SNTB1: variants seen among roughly 807,000 people sequenced by gnomAD.
The protein encoded by SNTB1 is beta-1-syntrophin.
In SNTB1, 36 loss-of-function variants were observed where a neutral mutation model predicts 48.9. That is an observed-to-expected ratio of 0.74 (90% confidence interval 0.56 to 0.97). SNTB1 has a LOEUF of 0.97. Ranked by LOEUF, SNTB1 falls within the 50% of genes least tolerant of loss-of-function variation. SNTB1 has a pLI of 0.00. For missense variants in SNTB1, 786 were observed against 703.4 expected (o/e 1.12, Z -1.33); for synonymous variants, 299 against 294.6 (o/e 1.01, Z -0.15).
chr8:120,734,148 A>G (rs755496152), intron 1 of SNTB1, among the ~76,000 whole-genome samples: 26 of 152,288 alleles, frequency 1.7e-4, no homozygotes, highest in Admixed American at 1.1e-3. Flanking sequence ...GCCTGTCACA[A>G]AGTTTTATTT....
At chr8:120,580,931 A>T (rs1014905408) in intron 3 of SNTB1, among the ~76,000 whole-genome samples, 2 of 152,020 alleles carry the variant, frequency 1.3e-5, no homozygotes, top group East Asian at 3.9e-4. Flanking sequence ...GTCAGACAAG[A>T]CGTCTAGAGC....
intron 3 of SNTB1, among the ~76,000 whole-genome samples, chr8:120,604,226 TC>T (rs1816473547): frequency 1.3e-5 from 2 of 152,160 alleles, no homozygotes; most frequent in Non-Finnish European, 2.9e-5. Flanking sequence ...TCTTTTGATA[TC>T]CCCTTGGCGT....
chr8:120,685,271 T>C (rs1818010334), intron 2 of SNTB1, among the ~76,000 whole-genome samples: 1 of 152,218 alleles, frequency 6.6e-6, no homozygotes, highest in South Asian at 2.1e-4. Context: ...TAGTGGACAT[T>C]GCCCTAGTGG....
chr8:120,770,135 G>A (rs1185344697), intron 1 of SNTB1, among the ~76,000 whole-genome samples: 1 of 152,172 alleles, frequency 6.6e-6, no homozygotes. Context: ...ACCAGTTTAT[G>A]CTGATAGCTA....
rs1466794641 is a variant in SNTB1 at position 120,611,375 on chromosome 8, GA to G, written c.996+21068del. Among the ~76,000 whole-genome samples, 14 of 152,248 alleles carry G rather than the reference GA, an allele frequency of 9.2e-5. No individual in the cohort carries two copies. In the Middle Eastern group the frequency reaches 0.017, roughly 185 times the overall value. On this transcript the variant is annotated intron_variant, in intron 3 of 6. Transcript: ENST00000517992. ...CTCTGGAAAAAAAATCGTTAATAAGGAAACTGGGACTGTTATTTTAAATTAT... is the reference window on the plus strand; with the variant it reads ...CTCTGGAAAAAAAATCGTTAATAAGGAACTGGGACTGTTATTTTAAATTAT...
intron 2 of SNTB1, among the ~76,000 whole-genome samples, chr8:120,677,762 A>G (rs963907991): frequency 1.3e-5 from 2 of 152,202 alleles, no homozygotes; most frequent in Non-Finnish European, 2.9e-5. Context: ...AAAAAATTCA[A>G]AGAAGTTAAG....
intron 4 of SNTB1, 106 bp from the exon 5 acceptor site, chr8:120,549,064 G>A: frequency 1.1e-6 from 1 of 911,908 alleles, no homozygotes; most frequent in Non-Finnish European, 1.6e-6. Flanking sequence ...CATTTTTCTG[G>A]TCTGGAATCA....
intron 3 of SNTB1, among the ~76,000 whole-genome samples, chr8:120,579,736 T>C (rs1816013407): frequency 6.6e-6 from 1 of 152,162 alleles, no homozygotes. Context: ...CTTCACATGA[T>C]TTCCAAAGGG....
intron 2 of SNTB1, chr8:120,637,575 G>GCAAA (rs1817103238): frequency 5.0e-6 from 1 of 200,422 alleles, no homozygotes; most frequent in Non-Finnish European, 1.0e-5. Flanking sequence ...AACACAAAGT[G>GCAAA]TTATGTGCAA....
chr8:120,742,617 C>T (rs1417218905), intron 1 of SNTB1, among the ~76,000 whole-genome samples: 1 of 152,218 alleles, frequency 6.6e-6, no homozygotes, highest in African/African-American at 2.4e-5. Flanking sequence ...TCTTCTAAGT[C>T]ATATGGGCAG....
At chr8:120,637,464 G>A (rs570160526) in intron 2 of SNTB1, 1 of 190,812 alleles carries the variant, frequency 5.2e-6, no homozygotes, top group Non-Finnish European at 1.1e-5. Context: ...GATTTTTTAG[G>A]TTTAAGTGGT....
rs1820450558 is a variant in SNTB1, at chr8:120,812,038, C to T, written c.-195G>A. On this transcript the variant is annotated 5_prime_UTR_variant, in exon 1 of 7. Transcript: ENST00000517992. ...TGGCAGCTGCACTCAGGCTGGTTCCCCCTCGCCTGATCCTGACCGGGGTGG... is the reference window on the plus strand; with the variant it reads ...TGGCAGCTGCACTCAGGCTGGTTCCTCCTCGCCTGATCCTGACCGGGGTGG... 1.6e-6 allele frequency: 2 copies of T among 1,256,442 alleles called. No individual in the cohort carries two copies. Among genetic ancestry groups the T allele is most frequent in the Non-Finnish European group, 2.0e-6 (2 of 1,005,626 alleles). 77.8% of individuals were successfully genotyped at this position (1,256,442 alleles called of 1,614,324 possible).
intron 1 of SNTB1, among the ~76,000 whole-genome samples, chr8:120,759,507 T>C (rs1819377228): frequency 1.3e-5 from 2 of 152,210 alleles, no homozygotes; most frequent in Admixed American, 1.3e-4. Context: ...GAACAAAGTA[T>C]GCGTGTTTGA....
At chr8:120,735,118 C>T (rs1458591903) in intron 1 of SNTB1, among the ~76,000 whole-genome samples, 2 of 152,174 alleles carry the variant, frequency 1.3e-5, no homozygotes, top group Non-Finnish European at 2.9e-5. Flanking sequence ...GGCTGTAGCA[C>T]AAGTCAGCAG....
At chr8:120,806,993 C>T (rs929055310) in intron 1 of SNTB1, among the ~76,000 whole-genome samples, 6 of 152,142 alleles carry the variant, frequency 3.9e-5, no homozygotes, top group Non-Finnish European at 7.4e-5. Context: ...GCAAACATTC[C>T]AGGGGAGCAC....
chr8:120,738,144 A>G (rs1283177681), intron 1 of SNTB1, among the ~76,000 whole-genome samples: 1 of 152,140 alleles, frequency 6.6e-6, no homozygotes, highest in African/African-American at 2.4e-5. Context: ...CCCTTCTACT[A>G]TGAGGACACA....
intron 6 of SNTB1, among the ~76,000 whole-genome samples, chr8:120,539,447 T>C (rs1468840282): frequency 6.6e-6 from 1 of 152,220 alleles, no homozygotes; most frequent in Non-Finnish European, 1.5e-5. Flanking sequence ...GGAGCTACTA[T>C]ATGTAAAACC....
At chr8:120,760,039 C>T (rs2130061424) in intron 1 of SNTB1, among the ~76,000 whole-genome samples, 1 of 152,204 alleles carries the variant, frequency 6.6e-6, no homozygotes, top group East Asian at 1.9e-4. Context: ...ACTCAATCTG[C>T]CATAGACTAC....
chr8:120,808,119 TG>T (rs1463145652), intron 1 of SNTB1, among the ~76,000 whole-genome samples: 2 of 152,130 alleles, frequency 1.3e-5, no homozygotes, highest in Non-Finnish European at 2.9e-5. Flanking sequence ...TTCACCATGT[TG>T]ACCAGGCTGG....
Sources: allele counts gnomAD v4.1 joint callset (sites outside exome capture counted in the v4.1 genomes callset), GRCh38; gene constraint gnomAD v4.1.1; transcripts MANE v1.5; gene names NCBI Gene and HGNC (gene_info 2026-07-23, HGNC 2026-07-21).